SPOCK3: variants seen among roughly 807,000 people sequenced by gnomAD.
SPOCK3 encodes the protein testican-3.
A neutral mutation model predicts 56.6 loss-of-function variants in SPOCK3; 30 were observed. That is an observed-to-expected ratio of 0.53 (90% CI 0.40 to 0.72). The LOEUF (loss-of-function observed/expected upper bound fraction) is 0.72. Ranked by LOEUF, SPOCK3 falls within the 30% of genes least tolerant of loss-of-function variation. The pLI, the probability that SPOCK3 is intolerant of heterozygous loss-of-function variation, is 0.00. For missense variants in SPOCK3, 527 were observed against 530.0 expected (o/e 0.99, Z 0.06); for synonymous variants, 196 against 183.3 (o/e 1.07, Z -0.56).
At chr4:167,021,513 T>A (rs1490535315) in intron 3 of SPOCK3, among the ~76,000 whole-genome samples, 1 of 151,972 alleles carries the variant, frequency 6.6e-6, no homozygotes, top group Non-Finnish European at 1.5e-5. Context: ...AGTTCTTATC[T>A]GGGGACTGTG....
intron 2 of SPOCK3, among the ~76,000 whole-genome samples, chr4:167,072,492 A>T (rs770230131): frequency 6.6e-6 from 1 of 151,958 alleles, no homozygotes; most frequent in African/African-American, 2.4e-5. Flanking sequence ...AAGAAGGCTT[A>T]AAAAAATGAG....
chr4:167,222,919 A>C (rs1054849528), intron 2 of SPOCK3, among the ~76,000 whole-genome samples: 22 of 128,282 alleles, frequency 1.7e-4, no homozygotes, highest in African/African-American at 6.4e-4. Context: ...AGATATGTTT[A>C]TATATGAATA....
chr4:167,081,980 G>A (rs28680316), intron 2 of SPOCK3, among the ~76,000 whole-genome samples: 1 of 151,886 alleles, frequency 6.6e-6, no homozygotes, highest in Non-Finnish European at 1.5e-5. Context: ...CTTCATGCAT[G>A]TCTCTTATCA....
intron 2 of SPOCK3, among the ~76,000 whole-genome samples, chr4:167,186,786 G>A (rs1732009023): frequency 6.6e-6 from 1 of 151,804 alleles, no homozygotes; most frequent in East Asian, 1.9e-4. Flanking sequence ...AGACCAGACT[G>A]GCCAACATGG....
chr4:166,939,103 G>A (rs749014299), intron 4 of SPOCK3, among the ~76,000 whole-genome samples: 5 of 152,114 alleles, frequency 3.3e-5, no homozygotes, highest in African/African-American at 4.8e-5. Flanking sequence ...TGCCCTACTA[G>A]AAGCTAGTAT....
In SPOCK3 at chr4:167,197,659, G is replaced by C. The variant is rs1733089492; in HGVS notation, c.189+36326C>G. 2.0e-5 allele frequency among the ~76,000 whole-genome samples: 3 copies of C among 151,572 alleles called. No homozygotes were observed. In the South Asian group the frequency reaches 6.3e-4, roughly 32 times the overall value. On this transcript the variant is annotated intron_variant, in intron 2 of 10. Coordinates refer to ENST00000357545, the MANE Select transcript of SPOCK3 (RefSeq NM_001040159.2). ...TGGGAATAAACTTGTGAAATTTAAA[G>C]TTAAAATAATTAAGAAACTGGACAA...
At chr4:166,833,594 C>T (rs1009215210) in intron 6 of SPOCK3, among the ~76,000 whole-genome samples, 2 of 152,178 alleles carry the variant, frequency 1.3e-5, no homozygotes, top group African/African-American at 4.8e-5. Context: ...GGATTTAAAG[C>T]TACCATGTGC....
At chr4:166,978,853 T>G (rs963960054) in intron 4 of SPOCK3, among the ~76,000 whole-genome samples, 2 of 152,182 alleles carry the variant, frequency 1.3e-5, no homozygotes, top group East Asian at 3.8e-4. Flanking sequence ...TGTATGTGAA[T>G]AAAATATTTC....
chr4:167,040,111 G>A (rs549788702), intron 3 of SPOCK3, among the ~76,000 whole-genome samples: 62 of 152,210 alleles, frequency 4.1e-4, no homozygotes, highest in East Asian at 1.7e-3. Context: ...TTCATTAAAC[G>A]TCACTTAGAA....
rs535703373 is a variant in SPOCK3, at chr4:166,856,580, C to T, written c.589+32550G>A. ...CACGAGGTCAGGAGATCAAGACAAT[C>T]CTGGCCAACATGGTGAAACCCTGTC... On this transcript the variant is annotated intron_variant, in intron 6 of 10. Transcript: ENST00000357545. Among the ~76,000 whole-genome samples, 16 of 152,184 alleles carry T rather than the reference C, an allele frequency of 1.1e-4. No homozygotes were observed. The South Asian group carries it at 3.1e-3, about 30-fold the overall frequency.
At chr4:166,986,591 C>T (rs970389677) in intron 4 of SPOCK3, among the ~76,000 whole-genome samples, 1 of 151,976 alleles carries the variant, frequency 6.6e-6, no homozygotes, top group Non-Finnish European at 1.5e-5. Context: ...CTGAATCCTG[C>T]GATGTGTATC....
intron 6 of SPOCK3, among the ~76,000 whole-genome samples, chr4:166,794,434 C>T (rs1741686433): frequency 6.6e-6 from 1 of 151,850 alleles, no homozygotes; most frequent in African/African-American, 2.4e-5. Context: ...GAAGTAACTA[C>T]CAAGGGAACT....
intron 6 of SPOCK3, among the ~76,000 whole-genome samples, chr4:166,794,712 G>A (rs1181049041): frequency 2.1e-5 from 3 of 144,108 alleles, no homozygotes; most frequent in African/African-American, 7.8e-5. Flanking sequence ...GCACAGTCTC[G>A]GCTCACTGCA....
intron 2 of SPOCK3, among the ~76,000 whole-genome samples, chr4:167,131,948 C>T (rs1157997102): frequency 6.6e-6 from 1 of 152,084 alleles, no homozygotes; most frequent in Non-Finnish European, 1.5e-5. Context: ...ATGGTTGTTT[C>T]CCTGGAAAGT....
intron 6 of SPOCK3, among the ~76,000 whole-genome samples, chr4:166,867,287 A>G (rs1731948521): frequency 6.6e-6 from 1 of 152,060 alleles, no homozygotes. Flanking sequence ...TTTCTCGGAT[A>G]AAGTGATGGA....
chr4:166,949,654 G>T (rs979695325), intron 4 of SPOCK3, among the ~76,000 whole-genome samples: 1 of 152,032 alleles, frequency 6.6e-6, no homozygotes, highest in Admixed American at 6.6e-5. Flanking sequence ...GCAGAACAGC[G>T]GTTTTTCATG....
At chr4:167,022,983 G>A (rs1423868640) in intron 3 of SPOCK3, among the ~76,000 whole-genome samples, 7 of 152,044 alleles carry the variant, frequency 4.6e-5, no homozygotes, top group East Asian at 1.9e-4. Flanking sequence ...TAGTCCCCAA[G>A]GTCTTTCCTC....
chr4:167,153,823 T>G (rs941635128), intron 2 of SPOCK3, among the ~76,000 whole-genome samples: 1 of 152,162 alleles, frequency 6.6e-6, no homozygotes, highest in Non-Finnish European at 1.5e-5. Flanking sequence ...TATTACTTAG[T>G]GATATTCTGA....
chr4:167,232,521 T>C (rs1737280404), intron 2 of SPOCK3, among the ~76,000 whole-genome samples: 1 of 152,176 alleles, frequency 6.6e-6, no homozygotes, highest in Non-Finnish European at 1.5e-5. Context: ...TGATGAAGTG[T>C]TCAATTTTCG....
Sources: allele counts gnomAD v4.1 joint callset (sites outside exome capture counted in the v4.1 genomes callset), GRCh38; gene constraint gnomAD v4.1.1; transcripts MANE v1.5; gene names NCBI Gene and HGNC (gene_info 2026-07-23, HGNC 2026-07-21).